PRPF8: variants seen among roughly 807,000 people sequenced by gnomAD.
The protein encoded by PRPF8 is pre-mRNA processing factor 8.
Under a neutral mutation model 285.9 loss-of-function variants are expected in PRPF8, and 64 were observed. The observed-to-expected ratio is 0.22, with a 90% CI of 0.18 to 0.28. PRPF8 has a LOEUF of 0.28. PRPF8 is among the 10% of genes least tolerant of loss of function. PRPF8 has a pLI of 1.00. For synonymous variants in PRPF8, 1,325 were observed against 1,118.2 expected (o/e 1.18, Z -3.69); for missense variants, 1,426 against 3,026.7 (o/e 0.47, Z 12.41).
intron 24 of PRPF8, among the ~76,000 whole-genome samples, chr17:1,670,495 G>A (rs1470892966): frequency 2.0e-5 from 3 of 152,056 alleles, no homozygotes; most frequent in Non-Finnish European, 4.4e-5. Flanking sequence ...ATTGATTTAT[G>A]TATTTTTTTG....
intron 34 of PRPF8, among the ~76,000 whole-genome samples, chr17:1,657,768 A>C (rs2151113988): frequency 6.6e-6 from 1 of 151,092 alleles, no homozygotes; most frequent in Non-Finnish European, 1.5e-5. Flanking sequence ...GGAGATCGAG[A>C]CCATCCTGGC....
rs899656207 is a variant in PRPF8 at position 1,659,189 on chromosome 17, C to A, written c.5138+168G>T. 2.2e-5 allele frequency: 17 copies of A among 781,380 alleles called. No homozygotes were observed. The highest frequency in any genetic ancestry group is 3.7e-5 in the Non-Finnish European group (17 of 465,046). The allele number at this position is 781,380 out of a possible 1,614,324, so 48.4% of individuals were successfully genotyped here. A position where few individuals can be genotyped will look rare whatever the true frequency, so the allele number is the denominator to read the frequency against. ...TACAGGCGTGGACCACCACGCCCAGCTAATTTTTTGTATTTTGGTAGAGAC... is the reference window on the plus strand; with the variant it reads ...TACAGGCGTGGACCACCACGCCCAGATAATTTTTTGTATTTTGGTAGAGAC... On this transcript the variant is annotated intron_variant, in intron 32 of 42. Transcript: ENST00000304992. The surrounding 1 kb of genome is among the most constrained non-coding windows in gnomAD (Gnocchi z 5.1).
chr17:1,655,243 C>A, intron 37 of PRPF8, 107 bp downstream of exon 37: 3 of 1,273,202 alleles, frequency 2.4e-6, no homozygotes, highest in South Asian at 1.3e-5. Flanking sequence ...CAGGCATGAG[C>A]CACCGCGCCT....
intron 12 of PRPF8, 24 bp from the exon 13 acceptor site, chr17:1,678,676 A>G: frequency 6.2e-7 from 1 of 1,614,124 alleles, no homozygotes; most frequent in African/African-American, 1.3e-5. Context: ...GCCCCATCAG[A>G]CCTGGAGCTT....
chr17:1,651,315 G>A lies in PRPF8; in HGVS notation c.6651-5C>T. On this transcript the variant is annotated splice_polypyrimidine_tract_variant and splice_region_variant and intron_variant, in intron 41 of 42. Coordinates refer to ENST00000304992, the MANE Select transcript of PRPF8 (RefSeq NM_006445.4). This position sits in a 1 kb window ranked among gnomAD's most constrained non-coding sequence, Gnocchi z 5.1. ...GTACAGGAGCCTGGCGTGAAGCTGGGGGAGGAACGAGGACAGAGTAACAGC... is the reference window on the plus strand; with the variant it reads ...GTACAGGAGCCTGGCGTGAAGCTGGAGGAGGAACGAGGACAGAGTAACAGC... The A allele has an allele frequency of 1.9e-6, 3 of 1,614,152 alleles. No individual in the cohort carries two copies. The highest frequency in any genetic ancestry group is 1.7e-6 in the Non-Finnish European group (2 of 1,180,006).
chr17:1,673,625 G>C lies in PRPF8; in HGVS notation c.3447-58C>G, dbSNP rs1338343182. The C allele has an allele frequency of 6.2e-7, 1 of 1,611,278 alleles. No individual in the cohort carries two copies. Among genetic ancestry groups the C allele is most frequent in the South Asian group, 1.1e-5 (1 of 90,986 alleles). On this transcript the variant is annotated intron_variant, in intron 22 of 42. Transcript: ENST00000304992. This position sits in a 1 kb window ranked among gnomAD's most constrained non-coding sequence, Gnocchi z 5.5. ...TCTTGGAAGGAACTTCCCTTCAAAG[G>C]CCAACTGATGACATCCTGACACAGC...
rs769906563 is a variant in PRPF8, at chr17:1,684,579, G to A, written c.-8C>T. 1.9e-6 allele frequency: 3 copies of A among 1,612,232 alleles called. No homozygotes were observed. The highest frequency in any genetic ancestry group is 1.7e-5 in the Admixed American group (1 of 60,010). ...AGGAAACACTCCGGCCATATCCGGA[G>A]AATCTGGGGAGCGGCGGGATAGAAA... On this transcript the variant is annotated 5_prime_UTR_variant, in exon 2 of 43. Transcript: ENST00000304992.
rs1912572424 is a variant in PRPF8, at chr17:1,675,687, C to T, written c.2805G>A (p.Leu935=). Residue 935 remains leucine, a synonymous_variant, in exon 19 of 43, where the codon CTG becomes CTA. Coordinates refer to ENST00000304992, the MANE Select transcript of PRPF8 (RefSeq NM_006445.4). This position sits in a 1 kb window ranked among gnomAD's most constrained non-coding sequence, Gnocchi z 6.0. The part of the protein sequence containing the change: ...YLWYEADKRR[L]FPPWIKPADT... ...CTGCAGGCTTAATCCAGGGTGGGAA[C>T]AGGCGGCGCTTGTCGGCTTCATACC... 4 of 1,614,144 alleles carry T rather than the reference C, an allele frequency of 2.5e-6. No individual in the cohort carries two copies. The highest frequency in any genetic ancestry group is 3.4e-6 in the Non-Finnish European group (4 of 1,180,016).
chr17:1,673,061 TG>T lies in PRPF8; in HGVS notation c.3774+19del. The T allele has an allele frequency of 6.2e-7, 1 of 1,608,260 alleles. No individual in the cohort carries two copies. The highest frequency in any genetic ancestry group is 8.5e-7 in the Non-Finnish European group (1 of 1,174,640). ...GGACAGCAGAGGACAAGAGGGAAGCTGGGCATGACGGCCCTGTACCTTGGTG... is the reference window on the plus strand; with the variant it reads ...GGACAGCAGAGGACAAGAGGGAAGCTGGCATGACGGCCCTGTACCTTGGTG... On this transcript the variant is annotated intron_variant, in intron 24 of 42. Transcript: ENST00000304992. This position sits in a 1 kb window ranked among gnomAD's most constrained non-coding sequence, Gnocchi z 5.5.
chr17:1,669,336 A>G (rs1199333111), intron 24 of PRPF8, among the ~76,000 whole-genome samples: 3 of 152,080 alleles, frequency 2.0e-5, no homozygotes, highest in African/African-American at 7.2e-5. Flanking sequence ...CGAACTCCTG[A>G]CTTGGTGATT....
rs1167333124 is a variant in PRPF8, at chr17:1,651,328, A to G, written c.6651-18T>C. 1.9e-6 allele frequency: 3 copies of G among 1,614,090 alleles called. No individual in the cohort carries two copies. The East Asian group carries it at 6.7e-5, about 36-fold the overall frequency. The stretch of plus-strand genomic sequence containing the variant: ...GCGTGAAGCTGGGGGAGGAACGAGG[A>G]CAGAGTAACAGCTCAGGCCACTGTT... On this transcript the variant is annotated intron_variant, in intron 41 of 42. Transcript: ENST00000304992. This position sits in a 1 kb window ranked among gnomAD's most constrained non-coding sequence, Gnocchi z 5.1.
At chr17:1,660,881 G>A in intron 28 of PRPF8, 54 bp from the exon 29 acceptor site, 1 of 1,612,708 alleles carries the variant, frequency 6.2e-7, no homozygotes, top group Non-Finnish European at 8.5e-7. Flanking sequence ...CCAGCACACT[G>A]CTAACCTCCT....
At position 1,683,530 on chromosome 17, in the gene PRPF8, T is replaced by C. The variant is rs1439674072; in HGVS notation, c.269+3A>G. The C allele has an allele frequency of 6.2e-7, 1 of 1,614,042 alleles. No homozygotes were observed. Among genetic ancestry groups the C allele is most frequent in the African/African-American group, 1.3e-5 (1 of 74,926 alleles). On this transcript the variant is annotated splice_donor_region_variant and intron_variant, in intron 3 of 42. Coordinates refer to ENST00000304992, the MANE Select transcript of PRPF8 (RefSeq NM_006445.4). ...AATGAAATTATTTCAGGATGTTCCTTACCCCAAGTAAACCCTTTTGTCATG... is the reference window on the plus strand; with the variant it reads ...AATGAAATTATTTCAGGATGTTCCTCACCCCAAGTAAACCCTTTTGTCATG...
chr17:1,681,181 C>T, intron 6 of PRPF8, 127 bp from the exon 7 acceptor site: 1 of 1,062,000 alleles, frequency 9.4e-7, no homozygotes, highest in Non-Finnish European at 1.4e-6. Context: ...TGGGCTCAAA[C>T]AATCCTCCCA....
chr17:1,656,447 T>C lies in PRPF8; in HGVS notation c.5738A>G (p.Gln1913Arg). The change falls in exon 36 of 43, where the codon CAG (glutamine) becomes CGG (arginine). Residue 1913 changes from glutamine (Q) to arginine (R), a missense_variant. Gln to Arg is a conservative substitution (Grantham distance 43). Coordinates refer to ENST00000304992, the MANE Select transcript of PRPF8 (RefSeq NM_006445.4). ...GDLILKATEPQMVLFNLYDDW... is the reference protein window; with the variant it reads ...GDLILKATEPRMVLFNLYDDW... ...GTCATAGAGGTTGAAGAGAACCATC[T>C]GGGGCTCAGTGGCTTTAAGGATGAG... 6.2e-7 allele frequency: 1 copy of C among 1,614,202 alleles called. No homozygotes were observed. Among genetic ancestry groups the C allele is most frequent in the Non-Finnish European group, 8.5e-7 (1 of 1,180,042 alleles).
intron 14 of PRPF8, 67 bp downstream of exon 14, chr17:1,677,498 A>G (rs561884353): frequency 6.2e-7 from 1 of 1,610,932 alleles, no homozygotes; most frequent in East Asian, 2.2e-5. Context: ...CAGGGAACAG[A>G]CTCAAACAGG....
At chr17:1,682,603 ATAAAG>A (rs764408879) in intron 3 of PRPF8, among the ~76,000 whole-genome samples, 266 of 152,278 alleles carry the variant, frequency 1.7e-3, no homozygotes, top group Non-Finnish European at 2.9e-3. Context: ...ATAAATCATA[ATAAAG>A]TATTCACCAT....
At position 1,661,652 on chromosome 17, in the gene PRPF8, A is replaced by G; in HGVS notation, c.4161T>C (p.Ala1387=). ...SEFIDSQRVW[A]EYALKRQEAI... The stretch of plus-strand genomic sequence containing the variant: ...CCTCTTGCCTCTTGAGTGCGTACTC[A>G]GCCCAGACCCGCTGAGAATCAATGA... Residue 1387 remains alanine (A), a synonymous_variant, in exon 26 of 43, where the codon GCT becomes GCC. Transcript: ENST00000304992. This position sits in a 1 kb window ranked among gnomAD's most constrained non-coding sequence, Gnocchi z 7.3. 6.2e-7 allele frequency: 1 copy of G among 1,613,910 alleles called. No individual in the cohort carries two copies. The highest frequency in any genetic ancestry group is 1.7e-5 in the Admixed American group (1 of 60,026).
chr17:1,679,433 G>A lies in PRPF8; in HGVS notation c.1290-23C>T. On this transcript the variant is annotated intron_variant, in intron 9 of 42. Transcript: ENST00000304992. This position sits in a 1 kb window ranked among gnomAD's most constrained non-coding sequence, Gnocchi z 4.7. ...TACCTGGAAAAATAAGCCCACCAGA[G>A]TTTGGCCATCTCTTCTTCCAGACAC... 6.2e-6 allele frequency: 10 copies of A among 1,611,728 alleles called. No homozygotes were observed. Among genetic ancestry groups the A allele is most frequent in the Non-Finnish European group, 7.6e-6 (9 of 1,179,952 alleles).
Sources: gnomAD v4.1 joint callset for allele counts (sites outside exome capture counted in the v4.1 genomes callset) on GRCh38, gnomAD v4.1.1 for gene constraint, Gnocchi (gnomAD v3.1) non-coding constraint, MANE v1.5 for transcripts, NCBI Gene and HGNC (gene_info 2026-07-23, HGNC 2026-07-21) for gene names.